The following CD207 variants were observed in gnomAD, a reference collection of about 807,000 sequenced individuals.
CD207 encodes the protein CD207 molecule.
In CD207, 28 loss-of-function variants were observed where a neutral mutation model predicts 31.6. The observed-to-expected ratio is 0.89, with a 90% confidence interval of 0.66 to 1.21. The LOEUF is 1.21. Ranked by LOEUF, CD207 falls within the 50% of genes most tolerant of loss-of-function variation. CD207 has a pLI of 0.00. For synonymous variants in CD207, 168 were observed against 153.9 expected (o/e 1.09, Z -0.68); for missense variants, 388 against 397.8 (o/e 0.98, Z 0.21).
intron 5 of CD207, among the ~76,000 whole-genome samples, 192 bp from the exon 6 acceptor site, chr2:70,831,392 A>G (rs1475008062): frequency 6.6e-6 from 1 of 152,176 alleles, no homozygotes; most frequent in East Asian, 1.9e-4. Flanking sequence ...CCCCAAGTCC[A>G]GGCCAAACCA....
At chr2:70,825,768 T>C (rs1677328231), downstream of CD207, among the ~76,000 whole-genome samples, 1 of 152,116 alleles carries the variant, frequency 6.6e-6, no homozygotes, top group African/African-American at 2.4e-5. Context: ...CTCAAACTCT[T>C]GTGATCAAGT....
At chr2:70,826,492 T>G (rs1400321557), downstream of CD207, among the ~76,000 whole-genome samples, 2 of 152,152 alleles carry the variant, frequency 1.3e-5, no homozygotes, top group Non-Finnish European at 2.9e-5. Context: ...TCCTCCCACC[T>G]CAGCCTCCCA....
Position 70,833,010 on chromosome 2 carries a change from T to G in CD207, c.607A>C (p.Lys203Gln). ...QVVSQGWKYF[K>Q]GNFYYFSLIP... is the part of the protein sequence containing the mutation. The stretch of plus-strand genomic sequence containing the variant: ...AGAGAAAAGTAATAGAAGTTCCCCT[T>G]GAAGTACTTCCAGCCTTGAGAAACC... The change falls in exon 4 of 6, where the codon AAG becomes CAG. Residue 203 changes from lysine (K) to glutamine (Q), a missense_variant. Physicochemically the swap from Lys to Gln is moderately conservative, Grantham distance 53. Coordinates refer to ENST00000410009, the MANE Select transcript of CD207 (RefSeq NM_015717.5). 1 of 1,613,918 alleles carries G rather than the reference T, an allele frequency of 6.2e-7. No homozygotes were observed. Among genetic ancestry groups the G allele is most frequent in the Admixed American group, 1.7e-5 (1 of 60,028 alleles).
At position 70,835,768 on chromosome 2, in the gene CD207, C is replaced by T. The variant is rs1553400960; in HGVS notation, c.9G>A (p.Val3=). Residue 3 remains valine, a synonymous_variant, in exon 1 of 6, where the codon GTG becomes GTA. Transcript: ENST00000410009. ...AGTGCGCATCAGGGGCCTCCTTCTC[C>T]ACAGTCATCCTGAGTGCTCACCCTT... The part of the protein sequence containing the change: MT[V]EKEAPDAHFT... 2 of 1,611,434 alleles carry T rather than the reference C, an allele frequency of 1.2e-6. No homozygotes were observed. The highest frequency in any genetic ancestry group is 1.7e-6 in the Non-Finnish European group (2 of 1,178,876).
In CD207 at chr2:70,830,906, G is replaced by C; in HGVS notation, c.*144C>G. The C allele has an allele frequency of 2.9e-6, 2 of 683,578 alleles. No individual in the cohort carries two copies. The highest frequency in any genetic ancestry group is 4.7e-6 in the Non-Finnish European group (2 of 421,452). The allele number at this position is 683,578 out of a possible 1,614,324, so 42.3% of individuals were successfully genotyped here. A position where few individuals can be genotyped will look rare whatever the true frequency, so the allele number is the denominator to read the frequency against. ...CAGAGAATTTCCAGCCAAGACAGAC[G>C]GACTCCAGAATGCCACTGTGGGACA... On this transcript the variant is annotated 3_prime_UTR_variant, in exon 6 of 6. Coordinates refer to ENST00000410009, the MANE Select transcript of CD207 (RefSeq NM_015717.5).
rs189619883 is a variant in CD207, at chr2:70,834,146, A to G, written c.191-126T>C. On this transcript the variant is annotated intron_variant, in intron 2 of 5. Coordinates refer to ENST00000410009, the MANE Select transcript of CD207 (RefSeq NM_015717.5). ...CTTCCCAAAGAACCAAGACAGTCCAATGGGCCACCCCAACCCTCCAATCAT... is the reference window on the plus strand; with the variant it reads ...CTTCCCAAAGAACCAAGACAGTCCAGTGGGCCACCCCAACCCTCCAATCAT... 25 of 776,902 alleles carry G rather than the reference A, an allele frequency of 3.2e-5. No homozygotes were observed. In the Middle Eastern group the frequency reaches 1.2e-3, roughly 37 times the overall value. The allele number at this position is 776,902 out of a possible 1,614,324, so 48.1% of individuals were successfully genotyped here. A position where few individuals can be genotyped will look rare whatever the true frequency, so the allele number is the denominator to read the frequency against.
Position 70,830,699 on chromosome 2 carries a change from G to C in CD207, c.*351C>G. On this transcript the variant is annotated 3_prime_UTR_variant, in exon 6 of 6. Coordinates refer to ENST00000410009, the MANE Select transcript of CD207 (RefSeq NM_015717.5). The stretch of plus-strand genomic sequence containing the variant: ...ATCAGGAGAATTGCTTGGTTGCTCT[G>C]GAGTAACTTTGATGTGATGAAGCTG... The C allele has an allele frequency of 5.4e-6, 1 of 185,620 alleles. No individual in the cohort carries two copies. The highest frequency in any genetic ancestry group is 1.1e-5 in the Non-Finnish European group (1 of 89,840). The allele number at this position is 185,620 out of a possible 1,614,324, so 11.5% of individuals were successfully genotyped here.
chr2:70,835,498 G>T lies in CD207; in HGVS notation c.183C>A (p.Ala61=). 2 of 1,610,442 alleles carry T rather than the reference G, an allele frequency of 1.2e-6. No individual in the cohort carries two copies. The highest frequency in any genetic ancestry group is 1.7e-6 in the Non-Finnish European group (2 of 1,177,188). ...LVLVASVLLQ[A]VLYPRFMGTI... Reference sequence around the variant, plus strand: ...TGAAACATGAGGACTTACAAAGGACGGCCTGCAGCAGGACGGAGGCGACCA... The same window carrying T: ...TGAAACATGAGGACTTACAAAGGACTGCCTGCAGCAGGACGGAGGCGACCA... The change falls in exon 2 of 6, where the codon GCC becomes GCA. Residue 61 remains alanine (A), a synonymous_variant. Coordinates refer to ENST00000410009, the MANE Select transcript of CD207 (RefSeq NM_015717.5).
downstream of CD207, among the ~76,000 whole-genome samples, chr2:70,828,633 G>A (rs1328678310): frequency 1.3e-5 from 2 of 152,140 alleles, no homozygotes; most frequent in African/African-American, 2.4e-5. Context: ...CCTCTGAGCC[G>A]TTCTCTTTTC....
chr2:70,833,745 CT>C lies in CD207; in HGVS notation c.465del (p.Glu156SerfsTer2). 1 of 1,614,032 alleles carries C rather than the reference CT, an allele frequency of 6.2e-7. No individual in the cohort carries two copies. Among genetic ancestry groups the C allele is most frequent in the Non-Finnish European group, 8.5e-7 (1 of 1,179,900 alleles). ...GCTTTCTCCAAATCACTTTTTAACTCTGGGATTTGGGCATTTAAGGTACTGA... is the reference window on the plus strand; with the variant it reads ...GCTTTCTCCAAATCACTTTTTAACTCGGGATTTGGGCATTTAAGGTACTGA... ...EEVSTLNAQI[P>X]ELKSDLEKAS... On this transcript the variant is annotated frameshift_variant, in exon 3 of 6. Coordinates refer to ENST00000410009, the MANE Select transcript of CD207 (RefSeq NM_015717.5). LOFTEE classifies it high-confidence loss of function.
At chr2:70,831,262 A>G (rs1553399727) in intron 5 of CD207, 62 bp from the exon 6 acceptor site, 2 of 1,525,974 alleles carry the variant, frequency 1.3e-6, no homozygotes, top group African/African-American at 1.4e-5. Flanking sequence ...ACTTATTTCC[A>G]GTGAAGAAAT....
chr2:70,833,597 A>G (rs1553400232), intron 3 of CD207, 49 bp downstream of exon 3: 1 of 1,524,668 alleles, frequency 6.6e-7, no homozygotes, highest in African/African-American at 1.4e-5. Flanking sequence ...GACAGGTAAG[A>G]TCCCATGGGC....
Position 70,832,898 on chromosome 2 carries a change from A to T in CD207, c.717+2T>A. 1 of 1,612,786 alleles carries T rather than the reference A, an allele frequency of 6.2e-7. No individual in the cohort carries two copies. Reference sequence around the variant, plus strand: ...CACAGAGCCCATAGGCACAGCACTCACCTGCTCACTCTCTGAGGTCACCGA... The same window carrying T: ...CACAGAGCCCATAGGCACAGCACTCTCCTGCTCACTCTCTGAGGTCACCGA... On this transcript the variant is annotated splice_donor_variant, in intron 4 of 5. Transcript: ENST00000410009. LOFTEE classifies it high-confidence loss of function.
downstream of CD207, among the ~76,000 whole-genome samples, chr2:70,827,084 T>C (rs1413374487): frequency 2.0e-5 from 3 of 152,148 alleles, no homozygotes; most frequent in Non-Finnish European, 4.4e-5. Flanking sequence ...GCCTCAGGCC[T>C]GTCACACTCC....
intron 3 of CD207, among the ~76,000 whole-genome samples, 164 bp downstream of exon 3, chr2:70,833,482 C>T (rs993386619): frequency 1.3e-5 from 2 of 152,090 alleles, no homozygotes; most frequent in African/African-American, 2.4e-5. Context: ...CCCCTAAGTC[C>T]TCCCCAACCT....
rs115727537 is a variant in CD207, at chr2:70,833,960, C to T, written c.251G>A (p.Arg84His). The part of the protein sequence containing the change: ...VKTNVQLLKG[R>H]VDNISTLDSE... ...ATCCAGGGTGCTGATGTTGTCCACA[C>T]GACCTTTCAGCAACTGGACATTGGT... The change falls in exon 3 of 6, where the codon CGT becomes CAT. Residue 84 changes from arginine (R) to histidine (H), a missense_variant. Transcript: ENST00000410009. The T allele has an allele frequency of 1.9e-3, 2,962 of 1,546,138 alleles. 31 individuals are homozygous for T. The highest frequency in any genetic ancestry group is 0.014 in the South Asian group (1,116 of 77,772).
At chr2:70,828,073 C>T (rs543327684), downstream of CD207, among the ~76,000 whole-genome samples, 2 of 152,320 alleles carry the variant, frequency 1.3e-5, no homozygotes, top group East Asian at 3.9e-4. Flanking sequence ...AAGTTCTCAC[C>T]TGTCCCTGGC....
In CD207 at chr2:70,831,829, A is replaced by G. The variant is rs1553399872; in HGVS notation, c.718-10T>C. On this transcript the variant is annotated splice_polypyrimidine_tract_variant and intron_variant, in intron 4 of 5. Transcript: ENST00000410009. ...TTTTATACAGAAACTCCTGTAGGAA[A>G]GACAGGATAAGCAGAGGTGCGGCCA... The G allele has an allele frequency of 1.3e-6, 2 of 1,529,382 alleles. No homozygotes were observed. The highest frequency in any genetic ancestry group is 1.8e-6 in the Non-Finnish European group (2 of 1,103,390). 94.7% of individuals were successfully genotyped at this position (1,529,382 alleles called of 1,614,324 possible).
chr2:70,834,182 A>G lies in CD207; in HGVS notation c.191-162T>C, dbSNP rs553273697. Among the ~76,000 whole-genome samples, 19 of 152,288 alleles carry G rather than the reference A, an allele frequency of 1.2e-4. No individual in the cohort carries two copies. In the East Asian group the frequency reaches 3.7e-3, roughly 29 times the overall value. ...CAACCCTCCAATCATTCATTAACGT[A>G]CAACAAACGTGCAATGGGCACCTAC... On this transcript the variant is annotated intron_variant, in intron 2 of 5. Transcript: ENST00000410009.
Sources: gnomAD v4.1 joint callset for allele counts (sites outside exome capture counted in the v4.1 genomes callset) on GRCh38, gnomAD v4.1.1 for gene constraint, MANE v1.5 for transcripts, NCBI Gene and HGNC (gene_info 2026-07-23, HGNC 2026-07-21) for gene names.